The following CRACR2A variants were observed in gnomAD, a reference collection of about 807,000 sequenced individuals.
CRACR2A encodes calcium release activated channel regulator 2A, also known as EF-hand calcium-binding domain-containing protein 4B.
In CRACR2A, 79 loss-of-function variants were observed where a neutral mutation model predicts 90.5. That is an observed-to-expected ratio of 0.87 (90% confidence interval 0.73 to 1.05). CRACR2A has a LOEUF of 1.05. CRACR2A is among the 50% of genes least tolerant of loss of function. CRACR2A has a pLI of 0.00. For synonymous variants in CRACR2A, 338 were observed against 356.7 expected (o/e 0.95, Z 0.59); for missense variants, 823 against 897.2 (o/e 0.92, Z 1.06).
chr12:3,738,183 A>G (rs1460070880), intron 1 of CRACR2A, among the ~76,000 whole-genome samples: 1 of 152,238 alleles, frequency 6.6e-6, no homozygotes, highest in Non-Finnish European at 1.5e-5. Context: ...TTCTATTTTC[A>G]TCATTATGGC....
At chr12:3,648,156 G>A (rs1944724466) in intron 11 of CRACR2A, 1 of 1,055,434 alleles carries the variant, frequency 9.5e-7, no homozygotes, top group Non-Finnish European at 1.1e-6. Context: ...GTAAATTCCT[G>A]TGAATGAACT....
In CRACR2A at chr12:3,647,375, C is replaced by T. The variant is rs137885725; in HGVS notation, c.1118+1167G>A. On this transcript the variant is annotated intron_variant, in intron 11 of 19. Transcript: ENST00000440314. ...GGCCTTTTGTGATTCTGCACAAATG[C>T]TAGCCTCCATTAAAAAGACCCATAA... Among the ~76,000 whole-genome samples, 334 of 152,248 alleles carry T rather than the reference C, an allele frequency of 2.2e-3. 3 individuals are homozygous for T. Among genetic ancestry groups the T allele is most frequent in the African/African-American group, 7.6e-3 (315 of 41,546 alleles).
At chr12:3,738,230 T>G (rs1946475609) in intron 1 of CRACR2A, among the ~76,000 whole-genome samples, 1 of 152,204 alleles carries the variant, frequency 6.6e-6, no homozygotes, top group Non-Finnish European at 1.5e-5. Context: ...CACTAGAAAC[T>G]ACTAAAAAGT....
In CRACR2A at chr12:3,627,546, G is replaced by C; in HGVS notation, c.1822C>G (p.Arg608Gly). The change falls in exon 17 of 20, where the codon CGG becomes GGG. Residue 608 changes from arginine to glycine, a missense_variant. Physicochemically the swap from Arg to Gly is moderately radical, Grantham distance 125. Coordinates refer to ENST00000440314, the MANE Select transcript of CRACR2A (RefSeq NM_001144958.2). ...CTGAAGAACTGCTGGGTGATGCACC[G>C]GTACCTGCCACAGAAGGGCCACGGG... Reference protein sequence around the residue: ...LWDTAGQERYRCITQQFFRKA... With the variant: ...LWDTAGQERYGCITQQFFRKA... 1 of 1,551,518 alleles carries C rather than the reference G, an allele frequency of 6.4e-7. No homozygotes were observed. The highest frequency in any genetic ancestry group is 8.7e-7 in the Non-Finnish European group (1 of 1,146,938).
chr12:3,744,564 T>A (rs962541437), intron 1 of CRACR2A, among the ~76,000 whole-genome samples: 1 of 152,196 alleles, frequency 6.6e-6, no homozygotes, highest in Admixed American at 6.5e-5. Flanking sequence ...CTGGAAAGGG[T>A]GGGTGATCAT....
Position 3,724,003 on chromosome 12 carries a change from T to C in CRACR2A, c.-118+8939A>G, listed in dbSNP as rs188783169. Among the ~76,000 whole-genome samples the C allele has an allele frequency of 6.8e-4, 103 of 152,266 alleles. 1 individual carries two copies. The highest frequency in any genetic ancestry group is 3.7e-4 in the Non-Finnish European group (25 of 68,002). On this transcript the variant is annotated intron_variant, in intron 2 of 19. Transcript: ENST00000440314. ...ACAATGGGTAACGTCAAATCCCCAA[T>C]AGAGCTGGCAATCAAAGACTAAGAA...
intron 13 of CRACR2A, among the ~76,000 whole-genome samples, chr12:3,639,105 A>G (rs893875877): frequency 1.3e-5 from 2 of 152,212 alleles, no homozygotes; most frequent in Non-Finnish European, 2.9e-5. Flanking sequence ...CCCCACCTCC[A>G]GACATAGCAG....
intron 18 of CRACR2A, among the ~76,000 whole-genome samples, chr12:3,618,546 C>T (rs4765744): frequency 0.064 from 9,697 of 152,206 alleles, 359 homozygotes; most frequent in Middle Eastern, 0.12. Flanking sequence ...CCTCCTTTTT[C>T]CTTGAGTCTT....
chr12:3,628,343 GGAA>G (rs919213099), intron 15 of CRACR2A, among the ~76,000 whole-genome samples: 4 of 152,102 alleles, frequency 2.6e-5, no homozygotes, highest in Admixed American at 6.5e-5. Flanking sequence ...TGGAGGAGGA[GGAA>G]GAAGAAGGAG....
chr12:3,705,561 T>C (rs116517373), intron 3 of CRACR2A, among the ~76,000 whole-genome samples: 11 of 152,324 alleles, frequency 7.2e-5, no homozygotes, highest in South Asian at 4.1e-4. Flanking sequence ...CCAGGATCCA[T>C]TGACATCTCT....
At chr12:3,741,737 C>T (rs1946527894) in intron 1 of CRACR2A, among the ~76,000 whole-genome samples, 1 of 152,182 alleles carries the variant, frequency 6.6e-6, no homozygotes, top group Non-Finnish European at 1.5e-5. Context: ...TGGACCAGTT[C>T]CTAAAGGAAC....
intron 1 of CRACR2A, among the ~76,000 whole-genome samples, chr12:3,740,528 T>C (rs1473616871): frequency 2.0e-5 from 3 of 152,210 alleles, no homozygotes; most frequent in Non-Finnish European, 4.4e-5. Context: ...AATTATATCA[T>C]ATTTGTAGAG....
Position 3,720,463 on chromosome 12 carries a change from G to GC in CRACR2A, c.-117-7147_-117-7146insG, listed in dbSNP as rs1358584303. ...AGAAAGAAAGAAAGAAAGAAAGAAA[G>GC]AAAGCAAAAGAAAAAAAGAAACAAA... is the stretch of plus-strand genomic sequence containing the variant. On this transcript the variant is annotated intron_variant, in intron 2 of 19. Transcript: ENST00000440314. 3.7e-3 allele frequency among the ~76,000 whole-genome samples: 540 copies of GC among 144,950 alleles called. 3 individuals carry two copies. Among genetic ancestry groups the GC allele is most frequent in the African/African-American group, 0.013 (512 of 39,330 alleles).
At chr12:3,620,369 A>G (rs572136003) in intron 17 of CRACR2A, among the ~76,000 whole-genome samples, 16 of 152,282 alleles carry the variant, frequency 1.1e-4, no homozygotes, top group Non-Finnish European at 2.2e-4. Flanking sequence ...GTGGGATAAC[A>G]GAAGCTAATA....
chr12:3,628,559 T>C (rs1289783319), intron 15 of CRACR2A, among the ~76,000 whole-genome samples: 1 of 152,104 alleles, frequency 6.6e-6, no homozygotes, highest in Non-Finnish European at 1.5e-5. Flanking sequence ...GGGGGCAAGG[T>C]CAGTGAAGTG....
intron 3 of CRACR2A, among the ~76,000 whole-genome samples, chr12:3,709,390 C>T (rs1945976667): frequency 6.6e-6 from 1 of 152,222 alleles, no homozygotes; most frequent in Admixed American, 6.5e-5. Context: ...TTTATAGTAG[C>T]ACCACAGGAA....
chr12:3,692,846 A>C (rs1195476633), intron 4 of CRACR2A, among the ~76,000 whole-genome samples: 1 of 152,096 alleles, frequency 6.6e-6, no homozygotes, highest in Non-Finnish European at 1.5e-5. Flanking sequence ...TGGCTAGTGC[A>C]AGTCTACGTG....
chr12:3,684,155 G>C (rs1827448115), intron 4 of CRACR2A, among the ~76,000 whole-genome samples: 1 of 152,246 alleles, frequency 6.6e-6, no homozygotes, highest in Non-Finnish European at 1.5e-5. Context: ...AAAAATCAGA[G>C]GATATCCATT....
intron 1 of CRACR2A, among the ~76,000 whole-genome samples, chr12:3,748,797 G>A (rs1946661582): frequency 6.6e-6 from 1 of 152,178 alleles, no homozygotes; most frequent in African/African-American, 2.4e-5. Flanking sequence ...ACCTGACTGA[G>A]GGTTGTCCTC....
Sources: allele counts gnomAD v4.1 joint callset (sites outside exome capture counted in the v4.1 genomes callset), GRCh38; gene constraint gnomAD v4.1.1; transcripts MANE v1.5; gene names NCBI Gene and HGNC (gene_info 2026-07-23, HGNC 2026-07-21).